Variants in APOC1 observed in about 807,000 individuals in gnomAD.
The protein encoded by APOC1 is apolipoprotein C-I.
In APOC1, 4 loss-of-function variants were observed where a neutral mutation model predicts 6.7. That is an observed-to-expected ratio of 0.60 (90% CI 0.29 to 1.37). The LOEUF is 1.37. APOC1 is among the 40% of genes most tolerant of loss of function. The probability of loss-of-function intolerance (pLI) is 0.09; values close to 1 mark genes in which losing one functional copy is unlikely to be tolerated. For missense variants in APOC1, 122 were observed against 99.4 expected, an observed-to-expected ratio of 1.23 and a Z score of -0.97; for synonymous variants, 33 against 40.6, an observed-to-expected ratio of 0.81 and a Z score of 0.72.
chr19:44,916,120 G>C lies in APOC1; in HGVS notation c.59-70G>C, dbSNP rs1969998543. 3 of 1,343,984 alleles carry C rather than the reference G, an allele frequency of 2.2e-6. No homozygotes were observed. In the Admixed American group the frequency reaches 9.5e-5, roughly 43 times the overall value. 83.3% of individuals were successfully genotyped at this position (1,343,984 alleles called of 1,614,324 possible). ...CCACTGCACTCCAGCTTGGGCTACA[G>C]AGCAAGACTCCATCTCCAAAAAAAA... On this transcript the variant is annotated intron_variant, in intron 2 of 3. Transcript: ENST00000592535.
chr19:44,916,419 A>G (rs1179155580), intron 3 of APOC1, 94 bp downstream of exon 3: 1 of 1,510,242 alleles, frequency 6.6e-7, no homozygotes, highest in Admixed American at 2.1e-5. Context: ...AAAAAAAAAC[A>G]AGTCCTGGAG....
chr19:44,919,267 A>T lies in APOC1; in HGVS notation c.*37A>T. On this transcript the variant is annotated 3_prime_UTR_variant, in exon 4 of 4. Coordinates refer to ENST00000592535, the MANE Select transcript of APOC1 (RefSeq NM_001645.5). ...GTGACATCCCAGGAGGGGCCTCTGA[A>T]ATTTCCCACACCCCAGCGCCTGTGC... 6.3e-7 allele frequency: 1 copy of T among 1,588,262 alleles called. No homozygotes were observed.
rs1301205070 is a variant in APOC1, at chr19:44,919,221, T to G, written c.243T>G (p.Ile81Met). 2.5e-6 allele frequency: 4 copies of G among 1,613,828 alleles called. No homozygotes were observed. The highest frequency in any genetic ancestry group is 3.4e-6 in the Non-Finnish European group (4 of 1,179,866). ...AGAAAGTGAAGGAGAAACTCAAGAT[T>G]GACTCATGAGGACCTGAAGGGTGAC... ...TFQKVKEKLK[I>M]DS Residue 81 changes from isoleucine (I) to methionine (M), a missense_variant, in exon 4 of 4, where the codon ATT becomes ATG. By Grantham distance (10) the Ile-to-Met change is conservative. Coordinates refer to ENST00000592535, the MANE Select transcript of APOC1 (RefSeq NM_001645.5).
chr19:44,916,155 A>T, intron 2 of APOC1, 35 bp from the exon 3 acceptor site: 3 of 1,522,906 alleles, frequency 2.0e-6, no homozygotes, highest in Non-Finnish European at 2.6e-6. Flanking sequence ...AAAAAAAAAA[A>T]ACAAATTTTG....
At position 44,916,298 on chromosome 19, in the gene APOC1, A is replaced by G. The variant is rs72654456; in HGVS notation, c.167A>G (p.Lys56Arg). The G allele has an allele frequency of 8.3e-5, 134 of 1,613,992 alleles. No individual in the cohort carries two copies. In the African/African-American group the frequency reaches 1.5e-3, roughly 18 times the overall value. Residue 56 changes from lysine (K) to arginine (R), a missense_variant, in exon 3 of 4, where the codon AAA becomes AGA. By Grantham distance (26) the Lys-to-Arg change is conservative. Transcript: ENST00000592535. ...DKARELISRI[K>R]QSELSAKMRE... is the part of the protein sequence containing the mutation. ...GCTCGGGAACTCATCAGCCGCATCAAACAGAGTGAACTTTCTGCCAAGATG... is the reference window on the plus strand; with the variant it reads ...GCTCGGGAACTCATCAGCCGCATCAGACAGAGTGAACTTTCTGCCAAGATG...
At position 44,916,204 on chromosome 19, in the gene APOC1, C is replaced by T. The variant is rs762182284; in HGVS notation, c.73C>T (p.Gln25Ter). 6.2e-7 allele frequency: 1 copy of T among 1,603,604 alleles called. No individual in the cohort carries two copies. The highest frequency in any genetic ancestry group is 8.5e-7 in the Non-Finnish European group (1 of 1,176,358). The change falls in exon 3 of 4, where the codon CAG (glutamine) becomes TAG (stop). Residue 25 changes from glutamine to a stop codon, truncating the protein, a stop_gained. Coordinates refer to ENST00000592535, the MANE Select transcript of APOC1 (RefSeq NM_001645.5). LOFTEE classifies it high-confidence loss of function. Reference protein sequence around the residue: ...SIVLEGPAPAQGTPDVSSALD... With the variant: ...SIVLEGPAPA The stretch of plus-strand genomic sequence containing the variant: ...CTTCCTGGCAGGCCCAGCCCCAGCC[C>T]AGGGGACCCCAGACGTCTCCAGTGC...
chr19:44,915,963 C>A (rs959695903), intron 2 of APOC1, among the ~76,000 whole-genome samples: 1 of 151,478 alleles, frequency 6.6e-6, no homozygotes, highest in Non-Finnish European at 1.5e-5. Flanking sequence ...AGCAAGACTC[C>A]GTCTCAAAAC....
chr19:44,915,315 CTTTTTT>C (rs898326230), intron 2 of APOC1: 2 of 132,124 alleles, frequency 1.5e-5, no homozygotes, highest in Admixed American at 7.5e-5. Flanking sequence ...CCTCCCCATT[CTTTTTT>C]TTTTTTTTTT....
chr19:44,916,607 C>T (rs1363292346), intron 3 of APOC1: 1 of 529,840 alleles, frequency 1.9e-6, no homozygotes, highest in Non-Finnish European at 3.3e-6. Context: ...TGCCTGAGGT[C>T]AGGAGTTCGA....
rs375780016 is a variant in APOC1, at chr19:44,916,061, C to T, written c.59-129C>T. On this transcript the variant is annotated intron_variant, in intron 2 of 3. Transcript: ENST00000592535. Reference sequence around the variant, plus strand: ...CTGAGGCAGGAGAACTGCTTGAACCCGGGAGGTGGTGGTTGCAGTAGGCCG... The same window carrying T: ...CTGAGGCAGGAGAACTGCTTGAACCTGGGAGGTGGTGGTTGCAGTAGGCCG... 9.9e-5 allele frequency: 106 copies of T among 1,072,330 alleles called. No homozygotes were observed. In the Middle Eastern group the frequency reaches 1.3e-3, roughly 13 times the overall value. The allele number at this position is 1,072,330 out of a possible 1,614,324, so 66.4% of individuals were successfully genotyped here.
intron 2 of APOC1, 166 bp downstream of exon 2, chr19:44,915,115 C>A (rs1447245610): frequency 2.9e-6 from 2 of 680,754 alleles, no homozygotes; most frequent in Non-Finnish European, 5.1e-6. Context: ...CAGGCTCAGT[C>A]CCGCAGGCGC....
chr19:44,915,533 T>C (rs5117), intron 2 of APOC1, among the ~76,000 whole-genome samples: 33,806 of 150,296 alleles, frequency 0.22, 4,060 homozygotes, highest in African/African-American at 0.29. Context: ...CTCCTGACTT[T>C]GTGATCCGCC....
At chr19:44,915,862 G>A (rs979161647) in intron 2 of APOC1, among the ~76,000 whole-genome samples, 1 of 151,880 alleles carries the variant, frequency 6.6e-6, no homozygotes, top group African/African-American at 2.4e-5. Flanking sequence ...CCAGCTACTC[G>A]GGAGGCTGAG....
intron 2 of APOC1, among the ~76,000 whole-genome samples, chr19:44,915,747 A>C (rs1422813583): frequency 2.0e-5 from 3 of 151,686 alleles, no homozygotes; most frequent in Non-Finnish European, 2.9e-5. Flanking sequence ...CGGGCAGATC[A>C]CTTGAGGTCA....
intron 3 of APOC1, 196 bp from the exon 4 acceptor site, chr19:44,918,977 T>C: frequency 1.5e-6 from 1 of 653,766 alleles, no homozygotes; most frequent in Non-Finnish European, 2.7e-6. Flanking sequence ...GTGTTTAGAC[T>C]TCAACGTGCT....
At chr19:44,914,580 A>G (rs1969969719), upstream of APOC1, 1 of 396,774 alleles carries the variant, frequency 2.5e-6, no homozygotes, top group Non-Finnish European at 4.7e-6. Context: ...GGGGCAGAGG[A>G]GAAAAACGTG....
chr19:44,915,067 G>T, intron 2 of APOC1, 118 bp downstream of exon 2: 1 of 1,147,564 alleles, frequency 8.7e-7, no homozygotes, highest in Non-Finnish European at 1.3e-6. Flanking sequence ...CTGGGTCGTG[G>T]TTGCCTCATC....
chr19:44,918,284 C>T (rs1185896491), intron 3 of APOC1, among the ~76,000 whole-genome samples: 1 of 148,002 alleles, frequency 6.8e-6, no homozygotes, highest in African/African-American at 2.5e-5. Flanking sequence ...AAAAGGAAGG[C>T]ATTGGTAGCA....
At chr19:44,915,597 C>T (rs1460177673) in intron 2 of APOC1, among the ~76,000 whole-genome samples, 6 of 151,248 alleles carry the variant, frequency 4.0e-5, no homozygotes, top group Admixed American at 3.9e-4. Context: ...CGCGTCCGGC[C>T]ATTCCTCCCC....
Sources: gnomAD v4.1 joint callset for allele counts (sites outside exome capture counted in the v4.1 genomes callset) on GRCh38, gnomAD v4.1.1 for gene constraint, MANE v1.5 for transcripts, NCBI Gene and HGNC (gene_info 2026-07-23, HGNC 2026-07-21) for gene names.